Variants in XIRP2 observed in about 807,000 individuals in gnomAD.
XIRP2 encodes the protein xin actin-binding repeat-containing protein 2.
A neutral mutation model predicts 277.0 loss-of-function variants in XIRP2; 236 were observed. That is an observed-to-expected ratio of 0.85 (90% CI 0.77 to 0.95). The LOEUF is 0.95. Among genes scored for constraint, XIRP2 ranks in the 40% least tolerant of loss-of-function variants. XIRP2 has a pLI of 0.00. For missense variants in XIRP2, 4,640 were observed against 4,157.5 expected (o/e 1.12, Z -3.19); for synonymous variants, 1,490 against 1,416.5 (o/e 1.05, Z -1.17).
At chr2:167,141,645 T>A (rs1201833311) in intron 3 of XIRP2, among the ~76,000 whole-genome samples, 1 of 152,018 alleles carries the variant, frequency 6.6e-6, no homozygotes, top group Non-Finnish European at 1.5e-5. Flanking sequence ...GGAGGATTGC[T>A]TGAGGTCAAG....
At chr2:166,945,188 C>T (rs1321674798) in intron 2 of XIRP2, among the ~76,000 whole-genome samples, 1 of 152,052 alleles carries the variant, frequency 6.6e-6, no homozygotes, top group African/African-American at 2.4e-5. Flanking sequence ...AGTAGGTTAC[C>T]AAAGTAAGGA....
At chr2:167,051,450 G>A (rs1397780503) in intron 2 of XIRP2, among the ~76,000 whole-genome samples, 9 of 152,018 alleles carry the variant, frequency 5.9e-5, no homozygotes, top group African/African-American at 2.2e-4. Context: ...TTATTTTATT[G>A]TAGTTTCAAA....
At chr2:167,201,204 A>T (rs12185654) in intron 3 of XIRP2, among the ~76,000 whole-genome samples, 1 of 51,898 alleles carries the variant, frequency 1.9e-5, no homozygotes, top group African/African-American at 9.8e-5. Context: ...GAAAGAAAGA[A>T]AGAAAGAAAG....
intron 2 of XIRP2, among the ~76,000 whole-genome samples, chr2:166,956,707 A>T (rs1482133863): frequency 1.3e-5 from 2 of 151,828 alleles, no homozygotes; most frequent in African/African-American, 4.8e-5. Flanking sequence ...TGGTTTCAAG[A>T]TGGCTGGTCC....
At chr2:167,087,499 A>C (rs1433365336) in intron 2 of XIRP2, among the ~76,000 whole-genome samples, 1 of 152,068 alleles carries the variant, frequency 6.6e-6, no homozygotes, top group Non-Finnish European at 1.5e-5. Context: ...TGCTTTGTTT[A>C]CCTAAGCAAG....
chr2:167,147,325 C>A (rs1307797861), intron 3 of XIRP2, among the ~76,000 whole-genome samples: 1 of 152,138 alleles, frequency 6.6e-6, no homozygotes, highest in African/African-American at 2.4e-5. Context: ...AAAGACTGGT[C>A]TTTGAACCAG....
intron 2 of XIRP2, among the ~76,000 whole-genome samples, chr2:166,914,240 G>A (rs945595253): frequency 6.6e-6 from 1 of 152,138 alleles, no homozygotes; most frequent in Non-Finnish European, 1.5e-5. Flanking sequence ...GGAAATGGAT[G>A]CTCCCCAAGG....
At chr2:167,207,357 C>G (rs540028099) in intron 3 of XIRP2, among the ~76,000 whole-genome samples, 1 of 152,068 alleles carries the variant, frequency 6.6e-6, no homozygotes, top group African/African-American at 2.4e-5. Context: ...GGAGAAAATT[C>G]TAGAATGTAT....
intron 2 of XIRP2, among the ~76,000 whole-genome samples, chr2:166,986,015 C>A (rs771509013): frequency 6.6e-6 from 1 of 152,144 alleles, no homozygotes. Context: ...TTTCCTATAA[C>A]AGCAGAAGGA....
At chr2:166,971,109 A>C (rs1686564687) in intron 2 of XIRP2, among the ~76,000 whole-genome samples, 2 of 151,990 alleles carry the variant, frequency 1.3e-5, no homozygotes, top group African/African-American at 4.8e-5. Flanking sequence ...TCCACATTAG[A>C]TGCTCTCTTA....
chr2:167,044,061 G>A (rs1391196818), intron 2 of XIRP2, among the ~76,000 whole-genome samples: 2 of 151,904 alleles, frequency 1.3e-5, no homozygotes, highest in Non-Finnish European at 2.9e-5. Context: ...GCAGCACATC[G>A]AAAAGCTGAT....
At chr2:167,184,738 C>T (rs1226040693) in intron 3 of XIRP2, 1 of 652,632 alleles carries the variant, frequency 1.5e-6, no homozygotes, top group African/African-American at 1.8e-5. Flanking sequence ...ATTGATGTCA[C>T]TTTCTATTTG....
chr2:167,134,936 G>A (rs1297212201), intron 2 of XIRP2, among the ~76,000 whole-genome samples: 1 of 152,042 alleles, frequency 6.6e-6, no homozygotes, highest in East Asian at 1.9e-4. Flanking sequence ...CCTCAGATCA[G>A]CATGCAATTT....
intron 2 of XIRP2, among the ~76,000 whole-genome samples, chr2:166,942,029 C>A (rs1685734848): frequency 6.6e-6 from 1 of 152,172 alleles, no homozygotes; most frequent in South Asian, 2.1e-4. Context: ...TGCCATTTTC[C>A]AGAATAATAT....
In XIRP2 at chr2:167,243,488, A is replaced by G; in HGVS notation, c.2096A>G (p.Gln699Arg). ...ACTGTGAGATACATGTTTGAAACTC[A>G]ACATCTAGATCAACTTGGACAGCTT... ...VKTVRYMFET[Q>R]HLDQLGQLHS... Residue 699 changes from glutamine to arginine, a missense_variant, in exon 9 of 11, where the codon CAA becomes CGA. Gln to Arg is a conservative substitution (Grantham distance 43, BLOSUM62 1). Coordinates refer to ENST00000409195, the MANE Select transcript of XIRP2 (RefSeq NM_152381.6). 1 of 1,614,098 alleles carries G rather than the reference A, an allele frequency of 6.2e-7. No individual in the cohort carries two copies. Among genetic ancestry groups the G allele is most frequent in the African/African-American group, 1.3e-5 (1 of 75,042 alleles).
chr2:167,047,490 C>G (rs1477674583), intron 2 of XIRP2, among the ~76,000 whole-genome samples: 1 of 151,826 alleles, frequency 6.6e-6, no homozygotes, highest in African/African-American at 2.4e-5. Flanking sequence ...TGTCAATTAT[C>G]TGCCAACTAA....
chr2:167,250,365 T>A lies in XIRP2; in HGVS notation c.8973T>A (p.Asp2991Glu), dbSNP rs1695444342. 6.2e-7 allele frequency: 1 copy of A among 1,613,474 alleles called. No individual in the cohort carries two copies. The highest frequency in any genetic ancestry group is 8.5e-7 in the Non-Finnish European group (1 of 1,179,670). ...TCCCAGGATGGCTGATAAGTGAAGATAAGAGAGAATATGCAGTTCACATTG... is the reference window on the plus strand; with the variant it reads ...TCCCAGGATGGCTGATAAGTGAAGAAAAGAGAGAATATGCAGTTCACATTG... Reference protein sequence around the residue: ...NTIPGWLISEDKREYAVHIAM... With the variant: ...NTIPGWLISEEKREYAVHIAM... Residue 2991 changes from aspartate to glutamate, a missense_variant, in exon 9 of 11, where the codon GAT becomes GAA. By Grantham distance (45) the Asp-to-Glu change is conservative. Coordinates refer to ENST00000409195, the MANE Select transcript of XIRP2 (RefSeq NM_152381.6).
At chr2:167,009,939 G>C (rs1478777211) in intron 2 of XIRP2, among the ~76,000 whole-genome samples, 5 of 151,872 alleles carry the variant, frequency 3.3e-5, no homozygotes, top group Non-Finnish European at 5.9e-5. Flanking sequence ...AAATTTGTTT[G>C]AGTTCATTAT....
rs369598844 is a variant in XIRP2, at chr2:167,083,618, C to A, written c.409-52291C>A. On this transcript the variant is annotated intron_variant, in intron 2 of 10. Coordinates refer to ENST00000409195, the MANE Select transcript of XIRP2 (RefSeq NM_152381.6). ...ATTTGTTTGTATCCTCTTTTATTTC[C>A]TTGAGCAGTGGTTTGTAGTTCTCCT... 5.3e-5 allele frequency among the ~76,000 whole-genome samples: 8 copies of A among 152,196 alleles called. No homozygotes were observed. The South Asian group carries it at 6.2e-4, about 12-fold the overall frequency.
Sources: allele counts gnomAD v4.1 joint callset (sites outside exome capture counted in the v4.1 genomes callset), GRCh38; gene constraint gnomAD v4.1.1; transcripts MANE v1.5; gene names NCBI Gene and HGNC (gene_info 2026-07-23, HGNC 2026-07-21).